WWTR1: variants seen among roughly 807,000 people sequenced by gnomAD.
The protein encoded by WWTR1 is WW domain-containing transcription regulator protein 1.
In WWTR1, 13 loss-of-function variants were observed where a neutral mutation model predicts 40.1. The ratio of observed to expected loss-of-function variants is 0.32; its 90% CI spans 0.21 to 0.52. The LOEUF is 0.52. WWTR1 is among the 20% of genes least tolerant of loss of function. WWTR1 has a pLI of 0.97. For missense variants in WWTR1, 436 were observed against 523.1 expected (o/e 0.83, Z 1.63); for synonymous variants, 230 against 210.1 (o/e 1.09, Z -0.82).
intron 5 of WWTR1, among the ~76,000 whole-genome samples, chr3:149,710,573 C>CCCCG (rs1715450504): frequency 2.7e-5 from 2 of 73,164 alleles, no homozygotes; most frequent in Admixed American, 1.4e-4. Context: ...CCCCGCCTCC[C>CCCCG]CCCCCCCCCT....
rs1268153125 is a variant in WWTR1 at position 149,517,786 on chromosome 3, G to GT, written c.*3018dup. On this transcript the variant is annotated 3_prime_UTR_variant, in exon 7 of 7. Coordinates refer to ENST00000360632, the MANE Select transcript of WWTR1 (RefSeq NM_015472.6). The stretch of plus-strand genomic sequence containing the variant: ...TTAGATTTAACAGAATTGCAATTAG[G>GT]TTTTGACAATGTATTTACTTCAAGA... 6.6e-6 allele frequency: 1 copy of GT among 152,144 alleles called. No homozygotes were observed. The highest frequency in any genetic ancestry group is 1.5e-5 in the Non-Finnish European group (1 of 68,014). 9.4% of individuals were successfully genotyped at this position (152,144 alleles called of 1,614,324 possible).
chr3:149,712,714 A>G (rs9847126), intron 5 of WWTR1, among the ~76,000 whole-genome samples: 43,972 of 152,098 alleles, frequency 0.29, 7,803 homozygotes, highest in Middle Eastern at 0.5. Context: ...AATAGTAACA[A>G]TCTAAGCTTT....
intron 2 of WWTR1, among the ~76,000 whole-genome samples, chr3:149,579,793 A>G (rs559841941): frequency 6.6e-6 from 1 of 152,362 alleles, no homozygotes; most frequent in South Asian, 2.1e-4. Context: ...TAATGTTAAA[A>G]CAAATGTACA....
chr3:149,723,591 C>T (rs1325343992), intron 4 of WWTR1, among the ~76,000 whole-genome samples: 1 of 152,122 alleles, frequency 6.6e-6, no homozygotes, highest in Non-Finnish European at 1.5e-5. Flanking sequence ...TTTTTTGAGC[C>T]TTTGCCTTTC....
At chr3:149,665,133 A>G (rs994516222) in intron 2 of WWTR1, among the ~76,000 whole-genome samples, 1 of 152,062 alleles carries the variant, frequency 6.6e-6, no homozygotes, top group Non-Finnish European at 1.5e-5. Context: ...AACAATATAC[A>G]GTATGGTTTA....
rs574165964 is a variant in WWTR1 at position 149,645,112 on chromosome 3, A to C, written c.431+11764T>G. On this transcript the variant is annotated intron_variant, in intron 2 of 6. Coordinates refer to ENST00000360632, the MANE Select transcript of WWTR1 (RefSeq NM_015472.6). ...TTTTTTTTTTTGAGACGGAGTCTCG[A>C]TCTGTCGCCCAGGCTGGAGTGCAGT... 1.2e-3 allele frequency among the ~76,000 whole-genome samples: 173 copies of C among 142,544 alleles called. 1 individual carries two copies. The highest frequency in any genetic ancestry group is 2.7e-3 in the Admixed American group (38 of 14,332). 93.5% of individuals were successfully genotyped at this position (142,544 alleles called of 152,430 possible). A position where few individuals can be genotyped will look rare whatever the true frequency, so the allele number is the denominator to read the frequency against.
At chr3:149,580,596 C>T (rs1404373857) in intron 2 of WWTR1, among the ~76,000 whole-genome samples, 1 of 152,120 alleles carries the variant, frequency 6.6e-6, no homozygotes, top group Non-Finnish European at 1.5e-5. Context: ...GTTTGTAATA[C>T]TAAGATTAGG....
Position 149,526,007 on chromosome 3 carries a change from T to A in WWTR1, c.1018+6A>T, listed in dbSNP as rs551710250. 1 of 1,570,212 alleles carries A rather than the reference T, an allele frequency of 6.4e-7. No individual in the cohort carries two copies. Among genetic ancestry groups the A allele is most frequent in the Non-Finnish European group, 8.6e-7 (1 of 1,156,902 alleles). ...CATTGTAAGTGCTTGCAGGCTTTGCTCCTACCTGTATCCATCTCATCCACA... is the reference window on the plus strand; with the variant it reads ...CATTGTAAGTGCTTGCAGGCTTTGCACCTACCTGTATCCATCTCATCCACA... On this transcript the variant is annotated splice_donor_region_variant and intron_variant, in intron 6 of 6. Transcript: ENST00000360632.
At chr3:149,567,077 C>T (rs1238854639) in intron 3 of WWTR1, among the ~76,000 whole-genome samples, 6 of 151,720 alleles carry the variant, frequency 4.0e-5, no homozygotes, top group Admixed American at 3.9e-4. Context: ...CCTGTACTGT[C>T]AGGAAGGATA....
intron 4 of WWTR1, among the ~76,000 whole-genome samples, chr3:149,537,146 G>A (rs750605064): frequency 2.0e-4 from 31 of 152,096 alleles, no homozygotes; most frequent in Non-Finnish European, 3.2e-4. Flanking sequence ...CAAATATTGC[G>A]TTGAATTTTT....
intron 2 of WWTR1, among the ~76,000 whole-genome samples, chr3:149,654,640 C>A (rs1713089773): frequency 6.7e-6 from 1 of 149,322 alleles, no homozygotes; most frequent in South Asian, 2.1e-4. Flanking sequence ...TTCTGAGCTA[C>A]TCCAATCATT....
At chr3:149,543,590 A>AG in intron 3 of WWTR1, among the ~76,000 whole-genome samples, 1 of 149,168 alleles carries the variant, frequency 6.7e-6, no homozygotes, top group South Asian at 2.1e-4. Context: ...CAAAAAAAAA[A>AG]AAAAAAAAAA....
chr3:149,703,660 C>G (rs936965601), upstream of WWTR1, among the ~76,000 whole-genome samples: 17 of 152,048 alleles, frequency 1.1e-4, no homozygotes, highest in African/African-American at 3.9e-4. Flanking sequence ...GAGGTGTTTG[C>G]GTCATGGGGG....
intron 2 of WWTR1, among the ~76,000 whole-genome samples, chr3:149,656,214 C>T (rs1359345893): frequency 6.6e-6 from 1 of 152,172 alleles, no homozygotes; most frequent in Non-Finnish European, 1.5e-5. Context: ...ACAAAGCAGG[C>T]TTGTGATTTG....
intron 3 of WWTR1, among the ~76,000 whole-genome samples, chr3:149,548,474 T>C (rs1315378952): frequency 2.0e-5 from 3 of 152,190 alleles, no homozygotes; most frequent in East Asian, 1.9e-4. Context: ...ATTTTTAAAA[T>C]AGGTTTTAGT....
intron 2 of WWTR1, among the ~76,000 whole-genome samples, chr3:149,574,440 T>C (rs1226816080): frequency 6.6e-6 from 1 of 152,182 alleles, no homozygotes; most frequent in Admixed American, 6.5e-5. Flanking sequence ...GGTGGGTCTC[T>C]TCCAGTCAGG....
chr3:149,641,514 A>G (rs1206187173), intron 2 of WWTR1, among the ~76,000 whole-genome samples: 1 of 152,188 alleles, frequency 6.6e-6, no homozygotes, highest in Non-Finnish European at 1.5e-5. Flanking sequence ...ATGGTTTTCA[A>G]CAATTAACTA....
chr3:149,723,816 A>G (rs1477108183), intron 4 of WWTR1, among the ~76,000 whole-genome samples: 1 of 152,160 alleles, frequency 6.6e-6, no homozygotes, highest in Non-Finnish European at 1.5e-5. Flanking sequence ...GCTTCTTTGC[A>G]CCTTTGTGAT....
At chr3:149,538,965 TGAAG>T (rs760817217) in intron 4 of WWTR1, among the ~76,000 whole-genome samples, 1 of 152,186 alleles carries the variant, frequency 6.6e-6, no homozygotes, top group Non-Finnish European at 1.5e-5. Flanking sequence ...GATAAAGGAA[TGAAG>T]GAAGGAAAAA....
Sources: allele counts gnomAD v4.1 joint callset (sites outside exome capture counted in the v4.1 genomes callset), GRCh38; gene constraint gnomAD v4.1.1; transcripts MANE v1.5; gene names NCBI Gene and HGNC (gene_info 2026-07-23, HGNC 2026-07-21).